The following SS18L1 variants were observed in gnomAD, a reference collection of about 807,000 sequenced individuals.
SS18L1 encodes SS18L1 subunit of BAF chromatin remodeling complex.
A neutral mutation model predicts 70.3 loss-of-function variants in SS18L1; 32 were observed. That is an observed-to-expected ratio of 0.46 (90% CI 0.34 to 0.61). The LOEUF is 0.61. Ranked by LOEUF, SS18L1 falls within the 20% of genes least tolerant of loss-of-function variation. The pLI is 0.01. For missense variants in SS18L1, 430 were observed against 542.1 expected (o/e 0.79, Z 2.05); for synonymous variants, 237 against 229.7 (o/e 1.03, Z -0.29).
intron 10 of SS18L1, among the ~76,000 whole-genome samples, chr20:62,178,695 C>T (rs557939249): frequency 4.6e-5 from 7 of 152,346 alleles, no homozygotes; most frequent in East Asian, 1.9e-4. Context: ...TATTGGCACA[C>T]GCCACCACAC....
At position 62,161,185 on chromosome 20, in the gene SS18L1, G is replaced by T. The variant is rs2057323590; in HGVS notation, c.232-251G>T. Among the ~76,000 whole-genome samples, 1 of 151,090 alleles carries T rather than the reference G, an allele frequency of 6.6e-6. No homozygotes were observed. Among genetic ancestry groups the T allele is most frequent in the African/African-American group, 2.4e-5 (1 of 41,056 alleles). On this transcript the variant is annotated intron_variant, in intron 3 of 10. Coordinates refer to ENST00000331758, the MANE Select transcript of SS18L1 (RefSeq NM_198935.3). This position sits in a 1 kb window ranked among gnomAD's most constrained non-coding sequence, Gnocchi z 4.4. Reference sequence around the variant, plus strand: ...AGGAGGTCCAGCTTTTCACACCCAGGCACGTGTGGATGAACTTGATACTCA... The same window carrying T: ...AGGAGGTCCAGCTTTTCACACCCAGTCACGTGTGGATGAACTTGATACTCA...
intron 1 of SS18L1, among the ~76,000 whole-genome samples, chr20:62,157,876 C>CTGTGTGTG (rs147250445): frequency 0.073 from 11,075 of 151,770 alleles, 489 homozygotes; most frequent in South Asian, 0.19. Context: ...CCACGCCGGC[C>CTGTGTGTG]TGTGTGTGTG....
At chr20:62,175,288 G>A (rs759177204) in intron 10 of SS18L1, 154 of 985,424 alleles carry the variant, frequency 1.6e-4, no homozygotes, top group Middle Eastern at 5.2e-4. Flanking sequence ...TGAGGAGGCC[G>A]GTGTGGCGGG....
chr20:62,179,120 G>A (rs2057670506), intron 10 of SS18L1, 62 bp from the exon 11 acceptor site: 5 of 1,590,786 alleles, frequency 3.1e-6, no homozygotes, highest in Middle Eastern at 1.7e-4. Context: ...GGCTGGGGTG[G>A]ACGTCTGTCT....
Position 62,153,274 on chromosome 20 carries a change from C to T in SS18L1, c.70-5398C>T, listed in dbSNP as rs950662152. On this transcript the variant is annotated intron_variant, in intron 1 of 10. Transcript: ENST00000331758. Reference sequence around the variant, plus strand: ...TTCCCACTGGGTTCCTCCCACGACACGTGGGGCTTATGGGAACTACAATTG... The same window carrying T: ...TTCCCACTGGGTTCCTCCCACGACATGTGGGGCTTATGGGAACTACAATTG... 2.0e-5 allele frequency among the ~76,000 whole-genome samples: 3 copies of T among 152,186 alleles called. No individual in the cohort carries two copies. In the East Asian group the frequency reaches 5.8e-4, roughly 29 times the overall value.
chr20:62,148,385 A>C (rs13045567), intron 1 of SS18L1, among the ~76,000 whole-genome samples: 3 of 148,954 alleles, frequency 2.0e-5, no homozygotes, highest in Non-Finnish European at 3.0e-5. Flanking sequence ...TTGCTGTCTT[A>C]GGTCAGGTGA....
chr20:62,172,545 G>A, intron 8 of SS18L1, 137 bp from the exon 9 acceptor site: 3 of 1,294,966 alleles, frequency 2.3e-6, no homozygotes, highest in Non-Finnish European at 3.3e-6. Flanking sequence ...TATTTGAATG[G>A]TTGTGAAAAA....
At position 62,164,153 on chromosome 20, in the gene SS18L1, C is replaced by G; in HGVS notation, c.730C>G (p.Gln244Glu). ...ATGTGGTTCCCCCGCAGGCTCTTCC[C>G]AGCAGTACCTGGGCCAGGAGGAGTA... Reference protein sequence around the residue: ...PYRPSQQGSSQQYLGQEEYYG... With the variant: ...PYRPSQQGSSEQYLGQEEYYG... Residue 244 changes from glutamine to glutamate, a missense_variant, in exon 7 of 11, where the codon CAG (glutamine) becomes GAG (glutamate). By Grantham distance (29) the Gln-to-Glu change is conservative. Transcript: ENST00000331758. 6.5e-7 allele frequency: 1 copy of G among 1,549,896 alleles called. No individual in the cohort carries two copies. Among genetic ancestry groups the G allele is most frequent in the Non-Finnish European group, 8.7e-7 (1 of 1,146,492 alleles).
rs34708339 is a variant in SS18L1, at chr20:62,150,633, ATTTTTTTT to A, written c.69+6774_69+6781del. On this transcript the variant is annotated intron_variant, in intron 1 of 10. Transcript: ENST00000331758. ...CGGAGCATAAGAAACATTGAGGTGG[ATTTTTTTT>A]TTTTTTTTTTTTTTTTTTTTTTTTT... Among the ~76,000 whole-genome samples the A allele has an allele frequency of 5.5e-4, 32 of 58,042 alleles. No homozygotes were observed. The East Asian group carries it at 9.3e-3, about 17-fold the overall frequency. The allele number at this position is 58,042 out of a possible 152,430, so 38.1% of individuals were successfully genotyped here. A position where few individuals can be genotyped will look rare whatever the true frequency, so the allele number is the denominator to read the frequency against.
chr20:62,148,880 C>T (rs2057079264), intron 1 of SS18L1, among the ~76,000 whole-genome samples: 1 of 152,242 alleles, frequency 6.6e-6, no homozygotes, highest in Non-Finnish European at 1.5e-5. Context: ...GCCCTTTACC[C>T]GTGACCTTTC....
rs377514413 is a variant in SS18L1 at position 62,162,888 on chromosome 20, C to T, written c.513C>T (p.Gly171=). 7 of 1,612,964 alleles carry T rather than the reference C, an allele frequency of 4.3e-6. No individual in the cohort carries two copies. In the African/African-American group the frequency reaches 6.7e-5, roughly 15 times the overall value. ...GVPMQGQGTI[G]NYVSRTNINM... The stretch of plus-strand genomic sequence containing the variant: ...CCATGCAGGGGCAAGGCACCATCGG[C>T]AACTACGTGTCTCGGACCAACATCA... Residue 171 remains glycine (G), a synonymous_variant, in exon 5 of 11, where the codon GGC becomes GGT. Coordinates refer to ENST00000331758, the MANE Select transcript of SS18L1 (RefSeq NM_198935.3).
chr20:62,167,491 C>T (rs1212016946), intron 8 of SS18L1, among the ~76,000 whole-genome samples: 1 of 151,874 alleles, frequency 6.6e-6, no homozygotes, highest in Non-Finnish European at 1.5e-5. Context: ...AACCCAGAGG[C>T]AGAGGTTGCA....
Position 62,159,019 on chromosome 20 carries a change from T to C in SS18L1, c.146+271T>C, listed in dbSNP as rs879211466. Reference sequence around the variant, plus strand: ...AGTCCCCCAGCACGGAGGCCAGATATGTCCCGAGAGTCCCCCAGCACGGAG... The same window carrying C: ...AGTCCCCCAGCACGGAGGCCAGATACGTCCCGAGAGTCCCCCAGCACGGAG... On this transcript the variant is annotated intron_variant, in intron 2 of 10. Transcript: ENST00000331758. This position sits in a 1 kb window ranked among gnomAD's most constrained non-coding sequence, Gnocchi z 4.4. 16 of 1,433,742 alleles carry C rather than the reference T, an allele frequency of 1.1e-5. No homozygotes were observed. In the East Asian group the frequency reaches 2.1e-4, roughly 19 times the overall value. 88.8% of individuals were successfully genotyped at this position (1,433,742 alleles called of 1,614,324 possible). A position where few individuals can be genotyped will look rare whatever the true frequency, so the allele number is the denominator to read the frequency against.
intron 6 of SS18L1, among the ~76,000 whole-genome samples, 161 bp downstream of exon 6, chr20:62,163,783 G>T (rs939900657): frequency 6.6e-6 from 1 of 151,978 alleles, no homozygotes; most frequent in African/African-American, 2.4e-5. Flanking sequence ...GTGGACCCTG[G>T]GGGTGAGGGC....
At chr20:62,146,216 A>G (rs192602078) in intron 1 of SS18L1, among the ~76,000 whole-genome samples, 1 of 152,306 alleles carries the variant, frequency 6.6e-6, no homozygotes, top group East Asian at 1.9e-4. Context: ...TCCGCGTCTC[A>G]TGCTCCGTCG....
intron 8 of SS18L1, among the ~76,000 whole-genome samples, chr20:62,171,945 A>G (rs890694168): frequency 6.6e-6 from 1 of 152,174 alleles, no homozygotes; most frequent in African/African-American, 2.4e-5. Flanking sequence ...AACGGATCAC[A>G]AGGTCAGGAG....
At chr20:62,146,707 C>T (rs543533103) in intron 1 of SS18L1, among the ~76,000 whole-genome samples, 67 of 151,806 alleles carry the variant, frequency 4.4e-4, no homozygotes, top group African/African-American at 1.6e-3. Flanking sequence ...CCCCCGCCCA[C>T]GTTCAAGGTT....
intron 3 of SS18L1, among the ~76,000 whole-genome samples, chr20:62,160,950 G>A (rs969657309): frequency 6.6e-6 from 1 of 151,892 alleles, no homozygotes. Context: ...TGTGCGGTGT[G>A]ATCCGAGGCG....
chr20:62,158,579 C>A lies in SS18L1; in HGVS notation c.70-93C>A. ...ACGTTTCACGTAAGGGACGCTCAAC[C>A]TATATGAAAACTAGATGTGTAGCGA... On this transcript the variant is annotated intron_variant, in intron 1 of 10. Transcript: ENST00000331758. This position sits in a 1 kb window ranked among gnomAD's most constrained non-coding sequence, Gnocchi z 4.5. The A allele has an allele frequency of 6.5e-7, 1 of 1,533,234 alleles. No individual in the cohort carries two copies. 95.0% of individuals were successfully genotyped at this position (1,533,234 alleles called of 1,614,324 possible). A position where few individuals can be genotyped will look rare whatever the true frequency, so the allele number is the denominator to read the frequency against.
Sources: allele counts gnomAD v4.1 joint callset (sites outside exome capture counted in the v4.1 genomes callset), GRCh38; gene constraint gnomAD v4.1.1; non-coding constraint Gnocchi (gnomAD v3.1); transcripts MANE v1.5; gene names NCBI Gene and HGNC (gene_info 2026-07-23, HGNC 2026-07-21).